Variants in PRKCE observed in about 807,000 individuals in gnomAD.
PRKCE encodes protein kinase C epsilon type.
In PRKCE, 16 loss-of-function variants were observed where a neutral mutation model predicts 85.4. The ratio of observed to expected loss-of-function variants is 0.19; its 90% CI spans 0.13 to 0.28. The LOEUF is 0.28. Ranked by LOEUF, PRKCE falls within the 10% of genes least tolerant of loss-of-function variation. The probability of loss-of-function intolerance (pLI) is 1.00; values close to 1 mark genes in which losing one functional copy is unlikely to be tolerated. For missense variants in PRKCE, 573 were observed against 975.2 expected, an observed-to-expected ratio of 0.59 and a Z score of 5.49; for synonymous variants, 388 against 371.5, an observed-to-expected ratio of 1.04 and a Z score of -0.51.
chr2:45,713,007 G>A (rs1476572305), intron 1 of PRKCE, among the ~76,000 whole-genome samples: 2 of 152,148 alleles, frequency 1.3e-5, no homozygotes, highest in South Asian at 2.1e-4. Flanking sequence ...TCTGTAATGC[G>A]CATCATGATT....
chr2:46,018,632 A>G (rs1213839176), intron 10 of PRKCE, among the ~76,000 whole-genome samples: 1 of 152,242 alleles, frequency 6.6e-6, no homozygotes, highest in Non-Finnish European at 1.5e-5. Context: ...GAAAAGTCAC[A>G]AGAGGACAAA....
intron 11 of PRKCE, among the ~76,000 whole-genome samples, chr2:46,088,416 C>G (rs1323719133): frequency 6.6e-6 from 1 of 152,206 alleles, no homozygotes; most frequent in Non-Finnish European, 1.5e-5. Flanking sequence ...CTCACACTTT[C>G]CTTTGTGAAG....
At chr2:45,928,574 A>G (rs1010504930) in intron 2 of PRKCE, among the ~76,000 whole-genome samples, 1 of 152,150 alleles carries the variant, frequency 6.6e-6, no homozygotes. Flanking sequence ...CCGGCCCATA[A>G]CTTTACACTT....
At chr2:45,909,686 G>A (rs13417518) in intron 2 of PRKCE, among the ~76,000 whole-genome samples, 2 of 152,154 alleles carry the variant, frequency 1.3e-5, no homozygotes, top group Admixed American at 1.3e-4. Context: ...AGTTTTCCTG[G>A]TGAGGCTACC....
At chr2:45,763,676 CTG>C (rs1684693655) in intron 1 of PRKCE, among the ~76,000 whole-genome samples, 2 of 152,158 alleles carry the variant, frequency 1.3e-5, no homozygotes. Flanking sequence ...GCTCCCTCCG[CTG>C]TCTTTTGCTG....
intron 2 of PRKCE, among the ~76,000 whole-genome samples, chr2:45,971,647 G>A (rs1452453015): frequency 6.6e-6 from 1 of 152,162 alleles, no homozygotes; most frequent in African/African-American, 2.4e-5. Flanking sequence ...TTCAATGTTT[G>A]TTGTATCATC....
rs1704662895 is a variant in PRKCE, at chr2:46,001,330, T to C, written c.824-74T>C. The C allele has an allele frequency of 7.0e-7, 1 of 1,432,526 alleles. No homozygotes were observed. Among genetic ancestry groups the C allele is most frequent in the Non-Finnish European group, 9.4e-7 (1 of 1,065,122 alleles). The allele number at this position is 1,432,526 out of a possible 1,614,324, so 88.7% of individuals were successfully genotyped here. On this transcript the variant is annotated intron_variant, in intron 6 of 14. Coordinates refer to ENST00000306156, the MANE Select transcript of PRKCE (RefSeq NM_005400.3). This position sits in a 1 kb window ranked among gnomAD's most constrained non-coding sequence, Gnocchi z 4.4. ...CATGTAATACTTCATGAACATATAA[T>C]ACAATCTCAAAGAAAAGAAGCAACA...
At chr2:45,956,884 C>A (rs557599077) in intron 2 of PRKCE, among the ~76,000 whole-genome samples, 8 of 151,032 alleles carry the variant, frequency 5.3e-5, no homozygotes, top group African/African-American at 1.5e-4. Flanking sequence ...TTTTAATTTG[C>A]CTTTTTCTAA....
intron 10 of PRKCE, among the ~76,000 whole-genome samples, chr2:46,069,396 A>G (rs1667884880): frequency 6.6e-6 from 1 of 152,206 alleles, no homozygotes; most frequent in Non-Finnish European, 1.5e-5. Context: ...TTCTGTAAGT[A>G]AGGATTTTTT....
intron 10 of PRKCE, among the ~76,000 whole-genome samples, chr2:46,060,081 G>T (rs1193165731): frequency 1.3e-5 from 2 of 152,026 alleles, no homozygotes; most frequent in Non-Finnish European, 2.9e-5. Flanking sequence ...AAGGACTAAA[G>T]AAAAAATAGT....
intron 6 of PRKCE, among the ~76,000 whole-genome samples, chr2:45,998,978 C>T (rs1039527647): frequency 3.3e-5 from 5 of 152,146 alleles, no homozygotes; most frequent in Non-Finnish European, 1.5e-5. Flanking sequence ...CCTAATTCCT[C>T]CCTGCCATCC....
In PRKCE at chr2:46,010,428, G is replaced by A. The variant is rs1158706327; in HGVS notation, c.1348G>A (p.Val450Met). The change falls in exon 10 of 15, where the codon GTG (valine) becomes ATG (methionine). Residue 450 changes from valine to methionine, a missense_variant. This residue lies in a region of PRKCE where 89 missense variants were observed against 154.1 expected (regional missense o/e 0.58). Coordinates refer to ENST00000306156, the MANE Select transcript of PRKCE (RefSeq NM_005400.3). ...GGACGTCATCCTTCAGGATGATGAC[G>A]TGGACTGCACAATGACAGAGAAGAG... ...KKDVILQDDD[V>M]DCTMTEKRIL... 5 of 1,599,654 alleles carry A rather than the reference G, an allele frequency of 3.1e-6. No individual in the cohort carries two copies. Among genetic ancestry groups the A allele is most frequent in the East Asian group, 2.2e-5 (1 of 44,880 alleles).
chr2:45,870,899 A>G (rs1694041917), intron 2 of PRKCE, among the ~76,000 whole-genome samples: 1 of 152,184 alleles, frequency 6.6e-6, no homozygotes, highest in Admixed American at 6.5e-5. Context: ...GTTTGGAGGG[A>G]GTAAACCCCA....
intron 2 of PRKCE, among the ~76,000 whole-genome samples, chr2:45,846,416 G>A (rs1051675763): frequency 5.9e-5 from 9 of 152,092 alleles, no homozygotes; most frequent in Non-Finnish European, 1.0e-4. Flanking sequence ...TGCTCACCTG[G>A]GAGAGTTCTT....
intron 2 of PRKCE, among the ~76,000 whole-genome samples, chr2:45,883,689 A>G (rs914083754): frequency 6.6e-5 from 10 of 152,136 alleles, no homozygotes; most frequent in Non-Finnish European, 1.2e-4. Context: ...TACACTCCCT[A>G]TATGATGTCA....
intron 2 of PRKCE, among the ~76,000 whole-genome samples, chr2:45,870,030 C>T (rs1693963399): frequency 6.6e-6 from 1 of 152,088 alleles, no homozygotes; most frequent in Admixed American, 6.5e-5. Context: ...TATGGAGGAG[C>T]TCGGTGACTG....
At position 46,004,472 on chromosome 2, in the gene PRKCE, T is replaced by A. The variant is rs1704996164; in HGVS notation, c.967-70T>A. On this transcript the variant is annotated intron_variant, in intron 7 of 14. Transcript: ENST00000306156. This position sits in a 1 kb window ranked among gnomAD's most constrained non-coding sequence, Gnocchi z 4.1. ...TCATGGCTCTTATACGGCATCTTGA[T>A]GCTTTTGACATCAGAAAACTCTCAA... 1 of 1,254,186 alleles carries A rather than the reference T, an allele frequency of 8.0e-7. No individual in the cohort carries two copies. The highest frequency in any genetic ancestry group is 1.1e-6 in the Non-Finnish European group (1 of 889,946). The allele number at this position is 1,254,186 out of a possible 1,614,324, so 77.7% of individuals were successfully genotyped here.
intron 11 of PRKCE, among the ~76,000 whole-genome samples, chr2:46,124,596 T>TA (rs1558480418): frequency 6.6e-6 from 1 of 152,192 alleles, no homozygotes; most frequent in Non-Finnish European, 1.5e-5. Flanking sequence ...CTCCTTCTGT[T>TA]AAAAATGACC....
chr2:45,708,441 C>A (rs11125026), intron 1 of PRKCE, among the ~76,000 whole-genome samples: 1 of 152,040 alleles, frequency 6.6e-6, no homozygotes, highest in African/African-American at 2.4e-5. Context: ...GTCTTTCCCA[C>A]GCTGTTCTCA....
Sources: allele counts gnomAD v4.1 joint callset (sites outside exome capture counted in the v4.1 genomes callset), GRCh38; gene constraint gnomAD v4.1.1; regional missense constraint gnomAD v4.1.1; non-coding constraint Gnocchi (gnomAD v3.1); transcripts MANE v1.5; gene names NCBI Gene and HGNC (gene_info 2026-07-23, HGNC 2026-07-21).